CD86: variants seen among roughly 807,000 people sequenced by gnomAD.
CD86 encodes CD86 molecule.
Under a neutral mutation model 32.1 loss-of-function variants are expected in CD86, and 11 were observed. The ratio of observed to expected loss-of-function variants is 0.34; its 90% CI spans 0.22 to 0.57. The LOEUF (loss-of-function observed/expected upper bound fraction) is 0.57. Among genes scored for constraint, CD86 ranks in the 20% least tolerant of loss-of-function variants. The pLI, the probability that CD86 is intolerant of heterozygous loss-of-function variation, is 0.86. For synonymous variants in CD86, 137 were observed against 135.3 expected, an observed-to-expected ratio of 1.01 and a Z score of -0.09; for missense variants, 359 against 398.4, an observed-to-expected ratio of 0.90 and a Z score of 0.84.
At chr3:122,104,438 G>C (rs1056675874) in intron 3 of CD86, among the ~76,000 whole-genome samples, 1 of 152,120 alleles carries the variant, frequency 6.6e-6, no homozygotes, top group Admixed American at 6.5e-5. Flanking sequence ...ACCTTGGAAG[G>C]CCTAAATGCC....
chr3:122,064,680 A>T (rs181814343), intron 1 of CD86, among the ~76,000 whole-genome samples: 159 of 152,256 alleles, frequency 1.0e-3, no homozygotes, highest in Admixed American at 2.2e-3. Flanking sequence ...TGAAATCCTA[A>T]TATTTATATA....
rs79714238 is a variant in CD86, at chr3:122,110,926, G to A, written c.847+1518G>A. Reference sequence around the variant, plus strand: ...TCAGCTTACAAATGAAACAAAGAAGGGTTGGAGAAAAAGATTAAGGATGTT... The same window carrying A: ...TCAGCTTACAAATGAAACAAAGAAGAGTTGGAGAAAAAGATTAAGGATGTT... On this transcript the variant is annotated intron_variant, in intron 5 of 6. Coordinates refer to ENST00000330540, the MANE Select transcript of CD86 (RefSeq NM_175862.5). 1.7e-3 allele frequency among the ~76,000 whole-genome samples: 254 copies of A among 152,242 alleles called. 1 individual carries two copies. The highest frequency in any genetic ancestry group is 5.7e-3 in the African/African-American group (235 of 41,552).
At chr3:122,056,527 G>A (rs907042564) in intron 1 of CD86, among the ~76,000 whole-genome samples, 1 of 152,000 alleles carries the variant, frequency 6.6e-6, no homozygotes, top group Non-Finnish European at 1.5e-5. Flanking sequence ...TAGAGACGGG[G>A]TCCACCATGT....
intron 1 of CD86, among the ~76,000 whole-genome samples, chr3:122,069,978 A>G (rs2072467063): frequency 6.6e-6 from 1 of 152,156 alleles, no homozygotes. Flanking sequence ...TACTTTTTCT[A>G]AAATGCATAC....
At chr3:122,057,604 T>C (rs1461873261) in intron 1 of CD86, among the ~76,000 whole-genome samples, 1 of 152,204 alleles carries the variant, frequency 6.6e-6, no homozygotes, top group Non-Finnish European at 1.5e-5. Context: ...TAAAGTTAAA[T>C]ATTTAAGATT....
At chr3:122,079,109 C>T (rs111903554) in intron 1 of CD86, among the ~76,000 whole-genome samples, 6,749 of 152,234 alleles carry the variant, frequency 0.044, 215 homozygotes, top group South Asian at 0.11. Flanking sequence ...GTTTTCTAGC[C>T]TAGTGGGGAA....
chr3:122,080,812 C>G (rs780275761), intron 1 of CD86, among the ~76,000 whole-genome samples: 1 of 152,190 alleles, frequency 6.6e-6, no homozygotes, highest in South Asian at 2.1e-4. Context: ...GAAAACAGAG[C>G]TCAGGATGGA....
Position 122,087,125 on chromosome 3 carries a change from T to A in CD86, c.15-4476T>A, listed in dbSNP as rs116648183. Among the ~76,000 whole-genome samples, 68 of 152,320 alleles carry A rather than the reference T, an allele frequency of 4.5e-4. 1 individual carries two copies. The highest frequency in any genetic ancestry group is 1.6e-3 in the African/African-American group (66 of 41,562). On this transcript the variant is annotated intron_variant, in intron 1 of 6. Transcript: ENST00000330540. Reference sequence around the variant, plus strand: ...TTCATGTTCTCTGATGGGCCAGACATACAAAGTAAGTGAAAGTGGATTACG... The same window carrying A: ...TTCATGTTCTCTGATGGGCCAGACAAACAAAGTAAGTGAAAGTGGATTACG...
Position 122,106,237 on chromosome 3 carries a change from T to C in CD86, c.440T>C (p.Ile147Thr). 2 of 1,610,274 alleles carry C rather than the reference T, an allele frequency of 1.2e-6. No individual in the cohort carries two copies. Among genetic ancestry groups the C allele is most frequent in the Non-Finnish European group, 1.7e-6 (2 of 1,178,470 alleles). Reference sequence around the variant, plus strand: ...CCTGAAATAGTACCAATTTCTAATATAACAGAAAATGTGTACATAAATTTG... The same window carrying C: ...CCTGAAATAGTACCAATTTCTAATACAACAGAAAATGTGTACATAAATTTG... ...SQPEIVPISN[I>T]TENVYINLTC... Residue 147 changes from isoleucine to threonine, a missense_variant, in exon 4 of 7, where the codon ATA becomes ACA. Physicochemically the swap from Ile to Thr is moderately conservative, Grantham distance 89 (BLOSUM62 -1). Transcript: ENST00000330540.
chr3:122,102,938 A>G (rs568571844), intron 2 of CD86, among the ~76,000 whole-genome samples: 82 of 144,740 alleles, frequency 5.7e-4, no homozygotes, highest in Middle Eastern at 3.6e-3. Context: ...TTGAATTTCA[A>G]AGATGTTACT....
intron 1 of CD86, among the ~76,000 whole-genome samples, chr3:122,064,089 G>A (rs1391260516): frequency 1.3e-5 from 2 of 152,070 alleles, no homozygotes; most frequent in Admixed American, 1.3e-4. Flanking sequence ...AAGGGAAAGT[G>A]TCTTTTCACA....
chr3:122,064,431 A>G (rs1339886492), intron 1 of CD86, among the ~76,000 whole-genome samples: 1 of 152,204 alleles, frequency 6.6e-6, no homozygotes, highest in Non-Finnish European at 1.5e-5. Flanking sequence ...GTAGTGAGGT[A>G]CAGCCCGTAT....
chr3:122,087,674 A>C (rs138642747), intron 1 of CD86, among the ~76,000 whole-genome samples: 1 of 152,270 alleles, frequency 6.6e-6, no homozygotes, highest in African/African-American at 2.4e-5. Context: ...GTGGTCTCCA[A>C]ATTAACATTA....
intron 1 of CD86, among the ~76,000 whole-genome samples, chr3:122,071,005 A>C (rs1261309742): frequency 6.6e-6 from 1 of 152,230 alleles, no homozygotes; most frequent in Non-Finnish European, 1.5e-5. Context: ...TTTTCAAAAA[A>C]TTGAGCACAT....
rs5852291 is a variant in CD86, at chr3:122,119,862, GTT to G, written c.*337_*338del. The G allele has an allele frequency of 2.8e-5, 5 of 176,852 alleles. No homozygotes were observed. Among genetic ancestry groups the G allele is most frequent in the South Asian group, 3.4e-4 (2 of 5,840 alleles). 11.0% of individuals were successfully genotyped at this position (176,852 alleles called of 1,614,324 possible). ...TTCTTCTCTTAATTTCATAGATTGTGTTTTTTTTTTAAATAGACCTCTCAATT... is the reference window on the plus strand; with the variant it reads ...TTCTTCTCTTAATTTCATAGATTGTGTTTTTTTTAAATAGACCTCTCAATT... On this transcript the variant is annotated 3_prime_UTR_variant, in exon 7 of 7. Transcript: ENST00000330540.
chr3:122,072,045 C>T (rs2107508071), intron 1 of CD86, among the ~76,000 whole-genome samples: 1 of 151,582 alleles, frequency 6.6e-6, no homozygotes, highest in South Asian at 2.1e-4. Flanking sequence ...CATGTCCCTA[C>T]AAAGGACATG....
In CD86 at chr3:122,106,444, T is replaced by C; in HGVS notation, c.647T>C (p.Ile216Thr). 1 of 1,613,554 alleles carries C rather than the reference T, an allele frequency of 6.2e-7. No homozygotes were observed. The highest frequency in any genetic ancestry group is 1.7e-5 in the Admixed American group (1 of 59,982). Reference sequence around the variant, plus strand: ...CCTGATGTTACGAGCAATATGACCATCTTCTGTATTCTGGAAACTGACAAG... The same window carrying C: ...CCTGATGTTACGAGCAATATGACCACCTTCTGTATTCTGGAAACTGACAAG... ...SFPDVTSNMTIFCILETDKTR... is the reference protein window; with the variant it reads ...SFPDVTSNMTTFCILETDKTR... Residue 216 changes from isoleucine to threonine, a missense_variant, in exon 4 of 7, where the codon ATC becomes ACC. Coordinates refer to ENST00000330540, the MANE Select transcript of CD86 (RefSeq NM_175862.5).
At position 122,103,571 on chromosome 3, in the gene CD86, T is replaced by C. The variant is rs2073043858; in HGVS notation, c.124T>C (p.Phe42Leu). ...FNETADLPCQ[F>L]ANSQNQSLSE... ...TGAGACTGCAGACCTGCCATGCCAATTTGCAAACTCTCAAAACCAAAGCCT... is the reference window on the plus strand; with the variant it reads ...TGAGACTGCAGACCTGCCATGCCAACTTGCAAACTCTCAAAACCAAAGCCT... The change falls in exon 3 of 7, where the codon TTT becomes CTT. Residue 42 changes from phenylalanine to leucine, a missense_variant. Physicochemically the swap from Phe to Leu is conservative, Grantham distance 22 (BLOSUM62 0). Coordinates refer to ENST00000330540, the MANE Select transcript of CD86 (RefSeq NM_175862.5). The C allele has an allele frequency of 1.2e-6, 2 of 1,613,846 alleles. No individual in the cohort carries two copies. Among genetic ancestry groups the C allele is most frequent in the African/African-American group, 2.7e-5 (2 of 74,902 alleles).
In CD86 at chr3:122,112,379, C is replaced by T. The variant is rs563292120; in HGVS notation, c.847+2971C>T. On this transcript the variant is annotated intron_variant, in intron 5 of 6. Transcript: ENST00000330540. The stretch of plus-strand genomic sequence containing the variant: ...GTCACCAGGCTGGAGTGCAGTGGCA[C>T]GATCTCAGCACACTGCAACCTCTGC... Among the ~76,000 whole-genome samples, 130 of 151,898 alleles carry T rather than the reference C, an allele frequency of 8.6e-4. 1 individual carries two copies. The highest frequency in any genetic ancestry group is 5.9e-3 in the Admixed American group (90 of 15,246).
Sources: gnomAD v4.1 joint callset for allele counts (sites outside exome capture counted in the v4.1 genomes callset) on GRCh38, gnomAD v4.1.1 for gene constraint, MANE v1.5 for transcripts, NCBI Gene and HGNC (gene_info 2026-07-23, HGNC 2026-07-21) for gene names.